LY6S: variants seen among roughly 807,000 people sequenced by gnomAD.
LY6S encodes lymphocyte antigen 6S.
At chr8:143,041,924 C>T in the LY6S span, among the ~76,000 whole-genome samples, 3 of 60,974 alleles carry the variant, frequency 4.9e-5, no homozygotes, top group African/African-American at 2.1e-4. Flanking sequence ...CGGCCGTCCA[C>T]CCAGGGCGTT....
the LY6S span, among the ~76,000 whole-genome samples, chr8:143,048,521 T>C: frequency 6.8e-6 from 1 of 147,336 alleles, no homozygotes; most frequent in East Asian, 2.0e-4. Context: ...CAGGCTGGAG[T>C]GCCATGACAC....
the LY6S span, among the ~76,000 whole-genome samples, chr8:143,075,515 G>C: frequency 6.6e-6 from 1 of 152,106 alleles, no homozygotes; most frequent in Admixed American, 6.6e-5. This position sits in a 1 kb window ranked among gnomAD's most constrained non-coding sequence, Gnocchi z 4.1. Flanking sequence ...ACGAGCCTGG[G>C]CAACATGATG....
At chr8:143,073,753 G>T in the LY6S span, among the ~76,000 whole-genome samples, 2 of 132,308 alleles carry the variant, frequency 1.5e-5, no homozygotes, top group Non-Finnish European at 3.1e-5. Context: ...ATTCCTGTTT[G>T]AGGAGACAGC....
At chr8:143,074,022 A>G in the LY6S span, among the ~76,000 whole-genome samples, 3 of 151,012 alleles carry the variant, frequency 2.0e-5, no homozygotes, top group Admixed American at 6.6e-5. Context: ...GGGGTTCTCT[A>G]GTGCTAAGGT....
At chr8:143,069,325 T>C in the LY6S span, among the ~76,000 whole-genome samples, 1 of 152,216 alleles carries the variant, frequency 6.6e-6, no homozygotes, top group Non-Finnish European at 1.5e-5. Context: ...AGATATAACC[T>C]TGAAGCAAAC....
the LY6S span, chr8:143,057,256 ATT>A: frequency 1.1e-3 from 193 of 173,880 alleles, no homozygotes; most frequent in South Asian, 2.2e-3. Flanking sequence ...TATTATTTTT[ATT>A]TTTTTTTTTG....
the LY6S span, among the ~76,000 whole-genome samples, chr8:143,073,538 G>A: frequency 1.3e-5 from 2 of 149,360 alleles, no homozygotes; most frequent in African/African-American, 5.0e-5. Flanking sequence ...TCGTCCTCGG[G>A]GTCCCTGTTT....
the LY6S span, among the ~76,000 whole-genome samples, chr8:143,068,237 A>G: frequency 3.3e-5 from 5 of 152,334 alleles, no homozygotes; most frequent in African/African-American, 1.2e-4. Context: ...GCCTGCCAAC[A>G]AATTGTTAAC....
chr8:143,067,092 T>C, the LY6S span, among the ~76,000 whole-genome samples: 2 of 152,018 alleles, frequency 1.3e-5, no homozygotes, highest in African/African-American at 4.8e-5. Flanking sequence ...TGAGTTCATG[T>C]GAGATGTAAT....
the LY6S span, among the ~76,000 whole-genome samples, chr8:143,071,310 C>A: frequency 1.3e-5 from 2 of 152,206 alleles, no homozygotes; most frequent in South Asian, 4.1e-4. Flanking sequence ...GGTCAGAGGG[C>A]TATGGGATAG....
At chr8:143,068,224 A>G in the LY6S span, among the ~76,000 whole-genome samples, 1 of 152,224 alleles carries the variant, frequency 6.6e-6, no homozygotes, top group East Asian at 1.9e-4. Context: ...TACCAAGCAT[A>G]CTGCCTGCCA....
At chr8:143,073,836 G>A in the LY6S span, among the ~76,000 whole-genome samples, 8 of 125,404 alleles carry the variant, frequency 6.4e-5, no homozygotes, top group South Asian at 2.0e-3. Flanking sequence ...GACAGCCGTC[G>A]TCCCCGGGGT....
the LY6S span, chr8:143,042,900 G>C: frequency 1.2e-6 from 1 of 837,228 alleles, no homozygotes; most frequent in Non-Finnish European, 1.8e-6. Flanking sequence ...GGGGGCATGG[G>C]CTGGAGGGCC....
the LY6S span, among the ~76,000 whole-genome samples, chr8:143,048,410 C>T: frequency 2.0e-5 from 3 of 152,044 alleles, no homozygotes; most frequent in Non-Finnish European, 2.9e-5. Context: ...AGCACTCGGC[C>T]GCCACCTCGT....
chr8:143,065,783 T>TTCTCTTTTTCTTTC, the LY6S span: 1 of 115,224 alleles, frequency 8.7e-6, no homozygotes, highest in Non-Finnish European at 1.7e-5. Context: ...CTTTCTTTCT[T>TTCTCTTTTTCTTTC]TTTCTTTCTT....
the LY6S span, among the ~76,000 whole-genome samples, chr8:143,070,904 A>G: frequency 1.3e-5 from 2 of 152,344 alleles, no homozygotes; most frequent in South Asian, 4.1e-4. Context: ...GTTACACAGT[A>G]TTCTAACAGG....
At chr8:143,070,489 AT>A in the LY6S span, among the ~76,000 whole-genome samples, 132 of 81,696 alleles carry the variant, frequency 1.6e-3, 5 homozygotes, top group African/African-American at 6.5e-3. Context: ...ATATATATAT[AT>A]TTTTTTTTTT....
At chr8:143,051,745 G>T in the LY6S span, among the ~76,000 whole-genome samples, 1 of 151,888 alleles carries the variant, frequency 6.6e-6, no homozygotes, top group African/African-American at 2.4e-5. Context: ...GCCGAAGCAC[G>T]TGGATCACTT....
chr8:143,072,992 G>A, the LY6S span, among the ~76,000 whole-genome samples: 58 of 107,402 alleles, frequency 5.4e-4, 1 homozygote, highest in African/African-American at 1.6e-3. Flanking sequence ...CGTCGTCCCC[G>A]GGGTCCCTGT....
Sources: gnomAD v4.1 joint callset for allele counts (sites outside exome capture counted in the v4.1 genomes callset) on GRCh38, gnomAD v4.1.1 for gene constraint, Gnocchi (gnomAD v3.1) non-coding constraint, MANE v1.5 for transcripts, NCBI Gene and HGNC (gene_info 2026-07-23, HGNC 2026-07-21) for gene names.